The following SPHKAP variants were observed in gnomAD, a reference collection of about 807,000 sequenced individuals.
SPHKAP encodes the protein A-kinase anchor protein SPHKAP.
Under a neutral mutation model 137.5 loss-of-function variants are expected in SPHKAP, and 67 were observed. The ratio of observed to expected loss-of-function variants is 0.49; its 90% CI spans 0.40 to 0.60. The LOEUF (loss-of-function observed/expected upper bound fraction) is 0.60. SPHKAP is among the 20% of genes least tolerant of loss of function. The probability of loss-of-function intolerance (pLI) is 0.00; values close to 1 mark genes in which losing one functional copy is unlikely to be tolerated. For synonymous variants in SPHKAP, 813 were observed against 785.3 expected (o/e 1.04, Z -0.59); for missense variants, 2,097 against 2,069.3 (o/e 1.01, Z -0.26).
chr2:228,048,142 C>T (rs1696130934), intron 3 of SPHKAP, among the ~76,000 whole-genome samples: 1 of 152,118 alleles, frequency 6.6e-6, no homozygotes, highest in African/African-American at 2.4e-5. Flanking sequence ...TCCTTGAAAT[C>T]CCTTTTGATT....
chr2:227,984,937 A>G (rs1693160313), intron 11 of SPHKAP, among the ~76,000 whole-genome samples: 1 of 152,132 alleles, frequency 6.6e-6, no homozygotes, highest in Non-Finnish European at 1.5e-5. Context: ...TTACGGGACC[A>G]CCACCTTATC....
At chr2:228,128,324 G>T (rs916315160) in intron 2 of SPHKAP, among the ~76,000 whole-genome samples, 3 of 152,172 alleles carry the variant, frequency 2.0e-5, no homozygotes, top group Non-Finnish European at 4.4e-5. Flanking sequence ...TCCATCTCAA[G>T]AAACCACTTT....
At chr2:228,162,575 C>T (rs966744508) in intron 1 of SPHKAP, among the ~76,000 whole-genome samples, 1 of 152,194 alleles carries the variant, frequency 6.6e-6, no homozygotes, top group Non-Finnish European at 1.5e-5. Flanking sequence ...ATACTGACAA[C>T]AGGGATTGTA....
intron 3 of SPHKAP, among the ~76,000 whole-genome samples, chr2:228,064,383 T>C (rs191033235): frequency 6.6e-6 from 1 of 152,270 alleles, no homozygotes; most frequent in Non-Finnish European, 1.5e-5. Flanking sequence ...GATCAATTTT[T>C]AGTGACGTAT....
chr2:228,059,555 T>A (rs929269055), intron 3 of SPHKAP, among the ~76,000 whole-genome samples: 4 of 152,148 alleles, frequency 2.6e-5, no homozygotes, highest in Admixed American at 1.3e-4. Context: ...GAAAGAAAGA[T>A]AATTTTTTCT....
intron 3 of SPHKAP, among the ~76,000 whole-genome samples, chr2:228,089,417 G>T (rs1256863388): frequency 6.6e-6 from 1 of 152,228 alleles, no homozygotes; most frequent in African/African-American, 2.4e-5. Context: ...ATGACTTAAA[G>T]TTGAAACTCA....
chr2:228,163,551 C>T (rs1288019668), intron 1 of SPHKAP, among the ~76,000 whole-genome samples: 4 of 152,146 alleles, frequency 2.6e-5, no homozygotes, highest in Non-Finnish European at 5.9e-5. Context: ...ATCCTTTCCT[C>T]AGTAATATTG....
intron 2 of SPHKAP, among the ~76,000 whole-genome samples, chr2:228,119,324 A>G (rs1013274424): frequency 2.0e-5 from 3 of 152,186 alleles, no homozygotes; most frequent in African/African-American, 7.2e-5. Context: ...TGGGCCAGAT[A>G]TTCTTTAATG....
rs183902648 is a variant in SPHKAP at position 227,993,615 on chromosome 2, C to A, written c.4640G>T (p.Gly1547Val). ...LQLSERSMSN[G>V]NSSATSSLGI... The stretch of plus-strand genomic sequence containing the variant: ...AAGACTGCTAGTGGCACTACTGTTG[C>A]CATTGCTGACAAAGCAAAAGTTTAC... The change falls in exon 9 of 12, where the codon GGC (glycine) becomes GTC (valine). Residue 1547 changes from glycine to valine, a missense_variant. Gly to Val is a moderately radical substitution (Grantham distance 109, BLOSUM62 -3). Transcript: ENST00000392056. The A allele has an allele frequency of 3.1e-6, 5 of 1,590,522 alleles. No individual in the cohort carries two copies. The Admixed American group carries it at 7.1e-5, about 23-fold the overall frequency.
chr2:228,021,078 C>G lies in SPHKAP; in HGVS notation c.697+633G>C, dbSNP rs1694825835. Among the ~76,000 whole-genome samples, 2 of 152,172 alleles carry G rather than the reference C, an allele frequency of 1.3e-5. 1 individual carries two copies. The highest frequency in any genetic ancestry group is 4.1e-4 in the South Asian group (2 of 4,824). On this transcript the variant is annotated intron_variant, in intron 6 of 11. Transcript: ENST00000392056. ...GTCCCAGGGACAGTGGCAACAACAT[C>G]TGGGGTACCCCTTCCTCTGTGGCTA...
chr2:228,047,117 A>G lies in SPHKAP; in HGVS notation c.247-19574T>C, dbSNP rs187947584. 2.0e-5 allele frequency among the ~76,000 whole-genome samples: 3 copies of G among 152,338 alleles called. No individual in the cohort carries two copies. In the East Asian group the frequency reaches 5.8e-4, roughly 29 times the overall value. ...ATATGTAGGAAAATGTGTTTCTTGT[A>G]TTTTTATTTCAACATAAAATCACAG... is the stretch of plus-strand genomic sequence containing the variant. On this transcript the variant is annotated intron_variant, in intron 3 of 11. Coordinates refer to ENST00000392056, the MANE Select transcript of SPHKAP (RefSeq NM_001142644.2).
At chr2:228,066,681 C>T (rs1696837539) in intron 3 of SPHKAP, among the ~76,000 whole-genome samples, 1 of 152,138 alleles carries the variant, frequency 6.6e-6, no homozygotes, top group South Asian at 2.1e-4. Flanking sequence ...TGTTGCTCAA[C>T]AGTGACAAAT....
At position 228,080,615 on chromosome 2, in the gene SPHKAP, G is replaced by C. The variant is rs895849952; in HGVS notation, c.246+28217C>G. ...CCAGCTACTCAGGAGGCTGAGGCAG[G>C]AGAATCACTTAAACCCAGGAGGCAG... is the stretch of plus-strand genomic sequence containing the variant. On this transcript the variant is annotated intron_variant, in intron 3 of 11. Transcript: ENST00000392056. Among the ~76,000 whole-genome samples, 5 of 152,190 alleles carry C rather than the reference G, an allele frequency of 3.3e-5. No homozygotes were observed. In the South Asian group the frequency reaches 1.0e-3, roughly 32 times the overall value.
At position 228,018,408 on chromosome 2, in the gene SPHKAP, G is replaced by A. The variant is rs148632480; in HGVS notation, c.2446C>T (p.Arg816Cys). 84 of 1,613,910 alleles carry A rather than the reference G, an allele frequency of 5.2e-5. No homozygotes were observed. The highest frequency in any genetic ancestry group is 2.1e-4 in the African/African-American group (16 of 74,930). ...KNPTLQSQLS[R>C]SHRVPDSSTA... ...GAAGAATCGGGCACTCTGTGACTAC[G>A]TGATAATTGTGACTGCAGCGTGGGG... Residue 816 changes from arginine (R) to cysteine (C), a missense_variant, in exon 7 of 12, where the codon CGT (arginine) becomes TGT (cysteine). Arg to Cys is a radical substitution (Grantham distance 180). Transcript: ENST00000392056.
chr2:228,181,651 C>T lies in SPHKAP; in HGVS notation c.-53G>A. 1.9e-6 allele frequency: 3 copies of T among 1,614,114 alleles called. No individual in the cohort carries two copies. ...CGGAAAGTGCAGGCGAAGGATAAGT[C>T]TGTGGTGCTAGGACCCAGCTCCCAG... On this transcript the variant is annotated 5_prime_UTR_variant, in exon 1 of 12. Transcript: ENST00000392056. This position sits in a 1 kb window ranked among gnomAD's most constrained non-coding sequence, Gnocchi z 4.3.
chr2:228,120,642 A>G (rs1171522662), intron 2 of SPHKAP, among the ~76,000 whole-genome samples: 4 of 152,160 alleles, frequency 2.6e-5, no homozygotes, highest in Non-Finnish European at 5.9e-5. Context: ...TAATGTTGTC[A>G]AAAGAATAAG....
chr2:228,104,221 ATAT>A (rs1410338011), intron 3 of SPHKAP, among the ~76,000 whole-genome samples: 4 of 140,064 alleles, frequency 2.9e-5, no homozygotes, highest in Admixed American at 7.7e-5. Context: ...TAATGATTAA[ATAT>A]TATATGTTAT....
chr2:228,020,110 C>G lies in SPHKAP; in HGVS notation c.744G>C (p.Gln248His). ...NVSANVLESKQLKGATQVEWN... is the reference protein window; with the variant it reads ...NVSANVLESKHLKGATQVEWN... ...ATTCCACCTGGGTGGCTCCCTTTAG[C>G]TGTTTACTTTCCAAAACATTGGCTG... Residue 248 changes from glutamine (Q) to histidine (H), a missense_variant, in exon 7 of 12, where the codon CAG becomes CAC. Coordinates refer to ENST00000392056, the MANE Select transcript of SPHKAP (RefSeq NM_001142644.2). 1 of 1,611,918 alleles carries G rather than the reference C, an allele frequency of 6.2e-7. No individual in the cohort carries two copies. The highest frequency in any genetic ancestry group is 8.5e-7 in the Non-Finnish European group (1 of 1,179,448).
chr2:228,044,321 T>C (rs560134792), intron 3 of SPHKAP, among the ~76,000 whole-genome samples: 3 of 152,356 alleles, frequency 2.0e-5, no homozygotes, highest in African/African-American at 7.2e-5. Flanking sequence ...TCCTAAAATA[T>C]AGTTGCAAAT....
Sources: allele counts gnomAD v4.1 joint callset (sites outside exome capture counted in the v4.1 genomes callset), GRCh38; gene constraint gnomAD v4.1.1; non-coding constraint Gnocchi (gnomAD v3.1); transcripts MANE v1.5; gene names NCBI Gene and HGNC (gene_info 2026-07-23, HGNC 2026-07-21).